The following LCT variants were observed in gnomAD, a reference collection of about 807,000 sequenced individuals.
LCT encodes the protein lactase/phlorizin hydrolase.
A neutral mutation model predicts 173.0 loss-of-function variants in LCT; 90 were observed. That is an observed-to-expected ratio of 0.52 (90% CI 0.44 to 0.62). The LOEUF is 0.62. Ranked by LOEUF, LCT falls within the 20% of genes least tolerant of loss-of-function variation. The pLI, the probability that LCT is intolerant of heterozygous loss-of-function variation, is 0.00. For synonymous variants in LCT, 853 were observed against 957.6 expected (o/e 0.89, Z 2.02); for missense variants, 1,864 against 2,431.4 (o/e 0.77, Z 4.91).
intron 14 of LCT, among the ~76,000 whole-genome samples, chr2:135,794,137 C>CA (rs970830045): frequency 2.5e-4 from 16 of 65,104 alleles, no homozygotes; most frequent in East Asian, 8.4e-4. Flanking sequence ...GACTCTGTCT[C>CA]AAAAAAAATA....
Position 135,817,480 on chromosome 2 carries a change from G to C in LCT, c.1568C>G (p.Ala523Gly). The C allele has an allele frequency of 6.2e-7, 1 of 1,614,174 alleles. No homozygotes were observed. The change falls in exon 6 of 17, where the codon GCG becomes GGG. Residue 523 changes from alanine to glycine, a missense_variant. Ala to Gly is a moderately conservative substitution (Grantham distance 60). Coordinates refer to ENST00000264162, the MANE Select transcript of LCT (RefSeq NM_002299.4). ...CCCAAATGTGGAGAAGCAGAAGGCC[G>C]CATAGTCCAGGAAGGCATCCACCAC... ...ESVVDAFLDY[A>G]AFCFSTFGDR... is the part of the protein sequence containing the mutation.
intron 6 of LCT, among the ~76,000 whole-genome samples, chr2:135,816,778 C>T (rs1330176836): frequency 1.3e-5 from 2 of 152,290 alleles, no homozygotes; most frequent in East Asian, 3.9e-4. Context: ...CTGTCTGAGC[C>T]TCACTCATCC....
chr2:135,835,976 G>GTATATAAATATATATATA lies in LCT; in HGVS notation c.640+553_640+554insTATATATATATTTATATA, dbSNP rs1553436125. On this transcript the variant is annotated intron_variant, in intron 1 of 16. Coordinates refer to ENST00000264162, the MANE Select transcript of LCT (RefSeq NM_002299.4). ...AGGGGTATTTCAAAAATACATGTGT[G>GTATATAAATATATATATA]TATATATATATATATATATATATAT... Among the ~76,000 whole-genome samples, 25 of 80,464 alleles carry GTATATAAATATATATATA rather than the reference G, an allele frequency of 3.1e-4. 3 individuals are homozygous for GTATATAAATATATATATA. The highest frequency in any genetic ancestry group is 1.6e-3 in the African/African-American group (24 of 15,042). 52.8% of individuals were successfully genotyped at this position (80,464 alleles called of 152,430 possible). A position where few individuals can be genotyped will look rare whatever the true frequency, so the allele number is the denominator to read the frequency against.
chr2:135,812,388 A>T lies in LCT; in HGVS notation c.2276T>A (p.Ile759Lys). 6.2e-7 allele frequency: 1 copy of T among 1,613,726 alleles called. No individual in the cohort carries two copies. Among genetic ancestry groups the T allele is most frequent in the African/African-American group, 1.3e-5 (1 of 75,024 alleles). ...PIYLAGNGMP[I>K]GESENLFDDS... ...ATCAAAGAGATTTTCACTTTCCCCT[A>T]TGGGCATGCCATTCCCGGCAAGGTA... The change falls in exon 7 of 17, where the codon ATA becomes AAA. Residue 759 changes from isoleucine to lysine, a missense_variant. Transcript: ENST00000264162.
intron 6 of LCT, among the ~76,000 whole-genome samples, chr2:135,817,022 C>T (rs1337708759): frequency 6.7e-6 from 1 of 150,366 alleles, no homozygotes; most frequent in Non-Finnish European, 1.5e-5. Context: ...GCGTGCAACA[C>T]TATGCCCAGC....
chr2:135,814,807 G>A (rs569467920), intron 6 of LCT, among the ~76,000 whole-genome samples: 26 of 152,186 alleles, frequency 1.7e-4, no homozygotes, highest in Middle Eastern at 3.4e-3. Context: ...GAGCCACCGC[G>A]CCTGGCCCAA....
rs2077712815 is a variant in LCT, at chr2:135,809,386, C to A, written c.2961G>T (p.Gly987=). 1 of 1,614,098 alleles carries A rather than the reference C, an allele frequency of 6.2e-7. No individual in the cohort carries two copies. Among genetic ancestry groups the A allele is most frequent in the African/African-American group, 1.3e-5 (1 of 74,938 alleles). The change falls in exon 8 of 17, where the codon GGG becomes GGT. Residue 987 remains glycine (G), a synonymous_variant. Transcript: ENST00000264162. The surrounding 1 kb of genome is among the most constrained non-coding windows in gnomAD (Gnocchi z 5.5). The part of the protein sequence containing the change: ...SISWSRIFPT[G]RNSSINSHGV... ...CATGACTGTTGATAGAGCTGTTTCT[C>A]CCAGTTGGGAAAATCCGAGACCAGG...
chr2:135,821,919 A>G (rs1575345553), intron 5 of LCT, 101 bp downstream of exon 5: 1 of 791,604 alleles, frequency 1.3e-6, no homozygotes, highest in Non-Finnish European at 2.2e-6. Flanking sequence ...TTGGTGGCCC[A>G]AGAGTTGATG....
rs72972122 is a variant in LCT, at chr2:135,790,636, G to T, written c.5335+22C>A. On this transcript the variant is annotated intron_variant, in intron 15 of 16. Coordinates refer to ENST00000264162, the MANE Select transcript of LCT (RefSeq NM_002299.4). The surrounding 1 kb of genome is among the most constrained non-coding windows in gnomAD (Gnocchi z 4.1). ...TTCCAACAGGGGAAGGTGCACGCTG[G>T]GGAAGGGCGGGCCCGTCGTACCTTT... The T allele has an allele frequency of 5.0e-3, 7,403 of 1,489,586 alleles. 342 individuals are homozygous for T. The African/African-American group carries it at 0.092, about 18-fold the overall frequency. 92.3% of individuals were successfully genotyped at this position (1,489,586 alleles called of 1,614,324 possible). A position where few individuals can be genotyped will look rare whatever the true frequency, so the allele number is the denominator to read the frequency against.
chr2:135,829,339 T>C (rs2077914332), intron 3 of LCT, among the ~76,000 whole-genome samples: 1 of 152,184 alleles, frequency 6.6e-6, no homozygotes, highest in Non-Finnish European at 1.5e-5. Context: ...GGCAGATTTC[T>C]ACACAAGCAA....
chr2:135,790,938 TACACGAA>T lies in LCT; in HGVS notation c.5112-64_5112-58del. On this transcript the variant is annotated intron_variant, in intron 14 of 16. Coordinates refer to ENST00000264162, the MANE Select transcript of LCT (RefSeq NM_002299.4). The surrounding 1 kb of genome is among the most constrained non-coding windows in gnomAD (Gnocchi z 4.1). Reference sequence around the variant, plus strand: ...GTTTTGTAAATCTCAAGAGGCCCTTTACACGAAACACAAAACAGGACTTAGACCAGGA... The same window carrying T: ...GTTTTGTAAATCTCAAGAGGCCCTTTACACAAAACAGGACTTAGACCAGGA... 1 of 1,288,690 alleles carries T rather than the reference TACACGAA, an allele frequency of 7.8e-7. No individual in the cohort carries two copies. The highest frequency in any genetic ancestry group is 1.2e-5 in the South Asian group (1 of 83,892). 79.8% of individuals were successfully genotyped at this position (1,288,690 alleles called of 1,614,324 possible).
chr2:135,827,681 A>G (rs2077898852), intron 3 of LCT, among the ~76,000 whole-genome samples: 1 of 152,076 alleles, frequency 6.6e-6, no homozygotes, highest in Non-Finnish European at 1.5e-5. Context: ...GCAGTTCACA[A>G]TAGGGTTTGT....
rs951703828 is a variant in LCT, at chr2:135,804,828, G to A, written c.4403C>T (p.Ala1468Val). ...GAGCCTCACGTAGTAGTTCAGGCCC[G>A]CTTCATTGATGTACCTGGTGGTTCC... ...PDGTTRYINE[A>V]GLNYYVRLID... Residue 1468 changes from alanine (A) to valine (V), a missense_variant, in exon 10 of 17, where the codon GCG becomes GTG. Coordinates refer to ENST00000264162, the MANE Select transcript of LCT (RefSeq NM_002299.4). 6.4e-5 allele frequency: 104 copies of A among 1,613,774 alleles called. No homozygotes were observed. Among genetic ancestry groups the A allele is most frequent in the Non-Finnish European group, 8.4e-5 (99 of 1,180,028 alleles).
In LCT at chr2:135,833,138, T is replaced by C. The variant is rs763256571; in HGVS notation, c.693A>G (p.Leu231=). 4 of 1,614,066 alleles carry C rather than the reference T, an allele frequency of 2.5e-6. No homozygotes were observed. The highest frequency in any genetic ancestry group is 3.4e-6 in the Non-Finnish European group (4 of 1,179,984). The change falls in exon 2 of 17, where the codon CTA becomes CTG. Residue 231 remains leucine (L), a synonymous_variant. Coordinates refer to ENST00000264162, the MANE Select transcript of LCT (RefSeq NM_002299.4). ...GGGCAAGCGCAGATATGGGTGGTTC[T>C]AGCAGGAGCTCCGGGATATCTTCAG... ...LRAEDIPELL[L]EPPISALAQD...
chr2:135,797,068 C>T (rs2077587840), intron 13 of LCT, among the ~76,000 whole-genome samples: 2 of 151,954 alleles, frequency 1.3e-5, no homozygotes, highest in Admixed American at 1.3e-4. Flanking sequence ...TGGCCTCAGC[C>T]TCCCAAGTAG....
chr2:135,821,509 G>A (rs1350235125), intron 5 of LCT, among the ~76,000 whole-genome samples: 2 of 152,172 alleles, frequency 1.3e-5, no homozygotes, highest in African/African-American at 2.4e-5. Context: ...TAAACTAGAA[G>A]GCAGGAGTTC....
intron 13 of LCT, among the ~76,000 whole-genome samples, chr2:135,795,474 G>T (rs1434866284): frequency 2.6e-5 from 4 of 152,024 alleles, no homozygotes. Flanking sequence ...CTCCTAAAGT[G>T]TTGGGATTAC....
chr2:135,805,111 C>T (rs1575336586), intron 9 of LCT, 54 bp from the exon 10 acceptor site: 1 of 1,536,632 alleles, frequency 6.5e-7, no homozygotes, highest in East Asian at 2.2e-5. Flanking sequence ...CACTCACAGC[C>T]TCCTTTCTTT....
At chr2:135,824,123 A>C in intron 3 of LCT, 120 bp from the exon 4 acceptor site, 1 of 725,196 alleles carries the variant, frequency 1.4e-6, no homozygotes, top group Non-Finnish European at 2.5e-6. Context: ...ATGACCTCTA[A>C]GTATCTCAGT....
Sources: gnomAD v4.1 joint callset for allele counts (sites outside exome capture counted in the v4.1 genomes callset) on GRCh38, gnomAD v4.1.1 for gene constraint, Gnocchi (gnomAD v3.1) non-coding constraint, MANE v1.5 for transcripts, NCBI Gene and HGNC (gene_info 2026-07-23, HGNC 2026-07-21) for gene names.